RHOBTB2: variants seen among roughly 807,000 people sequenced by gnomAD.
The protein encoded by RHOBTB2 is Rho related BTB domain containing 2.
In RHOBTB2, 39 loss-of-function variants were observed where a neutral mutation model predicts 66.5. The observed-to-expected ratio is 0.59, with a 90% CI of 0.45 to 0.77. The LOEUF (loss-of-function observed/expected upper bound fraction) is 0.77, where lower values mean the gene tolerates loss of function less well. RHOBTB2 is among the 30% of genes least tolerant of loss of function. The probability of loss-of-function intolerance (pLI) is 0.00; values close to 1 mark genes in which losing one functional copy is unlikely to be tolerated. For synonymous variants in RHOBTB2, 390 were observed against 395.0 expected (o/e 0.99, Z 0.15); for missense variants, 755 against 999.1 (o/e 0.76, Z 3.29).
the RHOBTB2 span, among the ~76,000 whole-genome samples, chr8:22,961,754 C>T: frequency 1.3e-5 from 2 of 152,126 alleles, no homozygotes; most frequent in East Asian, 1.9e-4. Context: ...CCCAAAAATT[C>T]TGTAAGTTAT....
At chr8:22,985,999 G>T (rs1245654597), upstream of RHOBTB2, among the ~76,000 whole-genome samples, 1 of 152,160 alleles carries the variant, frequency 6.6e-6, no homozygotes, top group Non-Finnish European at 1.5e-5. Context: ...AAGCTGGAAG[G>T]GGGAAGCAGG....
intron 2 of RHOBTB2, among the ~76,000 whole-genome samples, chr8:23,005,092 C>T (rs972247801): frequency 6.6e-6 from 1 of 152,148 alleles, no homozygotes; most frequent in Non-Finnish European, 1.5e-5. Context: ...GGGTCTCTTC[C>T]ACCCCCTTAG....
Position 23,017,077 on chromosome 8 carries a change from C to G in RHOBTB2, c.1967-175C>G, listed in dbSNP as rs572219933. ...CCTTCCCCAGTGCTGACTTTCAGCC[C>G]TGCTCTTTGGGAACTTTGCTTGCCT... On this transcript the variant is annotated intron_variant, in intron 9 of 9. Transcript: ENST00000251822. The surrounding 1 kb of genome is among the most constrained non-coding windows in gnomAD (Gnocchi z 5.3). Among the ~76,000 whole-genome samples the G allele has an allele frequency of 1.4e-3, 213 of 152,304 alleles. 1 individual carries two copies. The highest frequency in any genetic ancestry group is 1.3e-3 in the Non-Finnish European group (91 of 68,026).
In RHOBTB2 at chr8:22,999,641, T is replaced by G; in HGVS notation, c.-475T>G. 1.6e-6 allele frequency: 2 copies of G among 1,237,196 alleles called. 1 individual carries two copies. Among genetic ancestry groups the G allele is most frequent in the South Asian group, 2.6e-5 (2 of 76,728 alleles). 76.6% of individuals were successfully genotyped at this position (1,237,196 alleles called of 1,614,324 possible). A position where few individuals can be genotyped will look rare whatever the true frequency, so the allele number is the denominator to read the frequency against. On this transcript the variant is annotated 5_prime_UTR_variant, in exon 1 of 10. Coordinates refer to ENST00000251822, the MANE Select transcript of RHOBTB2 (RefSeq NM_015178.3). The stretch of plus-strand genomic sequence containing the variant: ...TCTTTTCTTTTTTTTTTCCCTATCC[T>G]TTTTTTGTGAATGAAAAAAGGAGGT...
chr8:22,969,419 A>G, the RHOBTB2 span, among the ~76,000 whole-genome samples: 8 of 152,366 alleles, frequency 5.3e-5, no homozygotes, highest in African/African-American at 1.9e-4. Flanking sequence ...ATATATAAAG[A>G]AAGCCATTAT....
At chr8:22,960,124 A>G in the RHOBTB2 span, among the ~76,000 whole-genome samples, 1 of 150,372 alleles carries the variant, frequency 6.7e-6, no homozygotes, top group African/African-American at 2.4e-5. Flanking sequence ...TGGAGGTTGC[A>G]GTGAGCTGAG....
chr8:22,972,489 G>A, the RHOBTB2 span, among the ~76,000 whole-genome samples: 1 of 152,142 alleles, frequency 6.6e-6, no homozygotes, highest in Non-Finnish European at 1.5e-5. Context: ...TCCCGGGGAC[G>A]TTAGGTGCCA....
At chr8:22,960,785 T>G in the RHOBTB2 span, among the ~76,000 whole-genome samples, 1 of 152,204 alleles carries the variant, frequency 6.6e-6, no homozygotes, top group African/African-American at 2.4e-5. Flanking sequence ...CTTAAGGAAC[T>G]CACGATAAAA....
At chr8:22,997,564 G>T (rs1810610140), upstream of RHOBTB2, among the ~76,000 whole-genome samples, 1 of 152,204 alleles carries the variant, frequency 6.6e-6, no homozygotes, top group African/African-American at 2.4e-5. Context: ...CCTGGTTGAG[G>T]CTTCCAGGCT....
At chr8:22,962,179 C>CAAAAAAAAAAAAAAAAAAAAAAAAAAAA in the RHOBTB2 span, among the ~76,000 whole-genome samples, 2 of 13,834 alleles carry the variant, frequency 1.4e-4, no homozygotes, top group Non-Finnish European at 2.5e-4. Context: ...AACGAATTTA[C>CAAAAAAAAAAAAAAAAAAAAAAAAAAAA]AAAAAAAAAA....
the RHOBTB2 span, among the ~76,000 whole-genome samples, chr8:22,955,344 A>G: frequency 6.6e-5 from 10 of 152,126 alleles, no homozygotes; most frequent in Non-Finnish European, 1.0e-4. Flanking sequence ...GAGCACTTGC[A>G]TCCCAAACCA....
chr8:22,986,210 G>A (rs1418709056), upstream of RHOBTB2, among the ~76,000 whole-genome samples: 2 of 151,216 alleles, frequency 1.3e-5, no homozygotes. Context: ...GGGGTTGCCA[G>A]GGAATGGGTT....
At chr8:22,972,704 G>A in the RHOBTB2 span, among the ~76,000 whole-genome samples, 2 of 152,198 alleles carry the variant, frequency 1.3e-5, no homozygotes, top group Admixed American at 6.5e-5. Context: ...TACTCCCAGC[G>A]TTTCAGACTC....
chr8:22,963,469 AC>A, the RHOBTB2 span, among the ~76,000 whole-genome samples: 2 of 152,234 alleles, frequency 1.3e-5, no homozygotes, highest in African/African-American at 2.4e-5. Context: ...AGAGAAAAGC[AC>A]AGGAAGTTTC....
chr8:22,999,719 G>A lies in RHOBTB2; in HGVS notation c.-397G>A, dbSNP rs1347256752. 5 of 1,125,826 alleles carry A rather than the reference G, an allele frequency of 4.4e-6. No homozygotes were observed. Among genetic ancestry groups the A allele is most frequent in the South Asian group, 1.8e-5 (1 of 56,276 alleles). The allele number at this position is 1,125,826 out of a possible 1,614,324, so 69.7% of individuals were successfully genotyped here. ...CAGGCGTCTTCGCGGCAGCGCCTTC[G>A]CCGCGGGCCCGGGCGCGTAGCGGCG... On this transcript the variant is annotated 5_prime_UTR_variant, in exon 1 of 10. Coordinates refer to ENST00000251822, the MANE Select transcript of RHOBTB2 (RefSeq NM_015178.3).
At chr8:22,980,869 C>T in the RHOBTB2 span, among the ~76,000 whole-genome samples, 9 of 152,190 alleles carry the variant, frequency 5.9e-5, no homozygotes, top group African/African-American at 1.9e-4. Context: ...ACATTAAGTG[C>T]ACCTCACCCC....
At chr8:23,007,821 G>A (rs975771686) in intron 5 of RHOBTB2, 75 bp downstream of exon 5, 63 of 1,562,226 alleles carry the variant, frequency 4.0e-5, no homozygotes, top group Middle Eastern at 1.7e-4. Context: ...TCAGCTCCTG[G>A]TGTCCTGGAG....
At chr8:22,984,012 G>A (rs1441368044), upstream of RHOBTB2, among the ~76,000 whole-genome samples, 1 of 152,196 alleles carries the variant, frequency 6.6e-6, no homozygotes, top group Admixed American at 6.5e-5. Context: ...GGGATTACAG[G>A]CGTGAGCCAC....
the RHOBTB2 span, among the ~76,000 whole-genome samples, chr8:22,974,496 C>T: frequency 6.6e-6 from 1 of 152,194 alleles, no homozygotes; most frequent in Non-Finnish European, 1.5e-5. Flanking sequence ...CTCACTCCAG[C>T]GCAGGCCAGG....
Sources: gnomAD v4.1 joint callset for allele counts (sites outside exome capture counted in the v4.1 genomes callset) on GRCh38, gnomAD v4.1.1 for gene constraint, Gnocchi (gnomAD v3.1) non-coding constraint, MANE v1.5 for transcripts, NCBI Gene and HGNC (gene_info 2026-07-23, HGNC 2026-07-21) for gene names.